The following PITRM1 variants were observed in gnomAD, a reference collection of about 807,000 sequenced individuals.
The protein encoded by PITRM1 is presequence protease, mitochondrial.
In PITRM1, 100 loss-of-function variants were observed where a neutral mutation model predicts 129.9. The observed-to-expected ratio is 0.77, with a 90% confidence interval of 0.65 to 0.91. The LOEUF is 0.91. PITRM1 is among the 40% of genes least tolerant of loss of function. The probability of loss-of-function intolerance (pLI) is 0.00; values close to 1 mark genes in which losing one functional copy is unlikely to be tolerated. For synonymous variants in PITRM1, 591 were observed against 508.8 expected (o/e 1.16, Z -2.17); for missense variants, 1,471 against 1,318.3 (o/e 1.12, Z -1.79).
At chr10:3,163,600 T>C (rs1842625863) in intron 7 of PITRM1, 125 bp downstream of exon 7, 18 of 845,048 alleles carry the variant, frequency 2.1e-5, no homozygotes, top group Non-Finnish European at 3.1e-5. Flanking sequence ...GCCAAGAATC[T>C]TACCTAGACT....
chr10:3,151,583 C>T (rs76967561), intron 14 of PITRM1, among the ~76,000 whole-genome samples: 3,647 of 152,308 alleles, frequency 0.024, 146 homozygotes, highest in East Asian at 0.15. Flanking sequence ...TCCTAATTCT[C>T]ATTTTCAATT....
chr10:3,171,239 C>A (rs1270591867), intron 1 of PITRM1, among the ~76,000 whole-genome samples: 1 of 111,306 alleles, frequency 9.0e-6, no homozygotes, highest in African/African-American at 3.5e-5. Flanking sequence ...GGTCACATAA[C>A]GTGAAACAAA....
In PITRM1 at chr10:3,147,203, G is replaced by T; in HGVS notation, c.2283C>A (p.Ile761=). The T allele has an allele frequency of 6.2e-7, 1 of 1,612,404 alleles. No individual in the cohort carries two copies. Among genetic ancestry groups the T allele is most frequent in the African/African-American group, 1.3e-5 (1 of 75,028 alleles). ...TCTTGATACGCGGGAGCTTCCTCAG[G>T]ATGGGTTTGATATCTGTCATTTCTG... ...RIAEMTDIKP[I]LRKLPRIKKH... The change falls in exon 20 of 27, where the codon ATC becomes ATA. Residue 761 remains isoleucine (I), a synonymous_variant. Coordinates refer to ENST00000224949, the MANE Select transcript of PITRM1 (RefSeq NM_014889.4).
At chr10:3,159,313 C>T (rs758137728) in intron 9 of PITRM1, among the ~76,000 whole-genome samples, 1 of 152,204 alleles carries the variant, frequency 6.6e-6, no homozygotes, top group Non-Finnish European at 1.5e-5. Context: ...AAATCACAGG[C>T]ACTGTGGCAG....
chr10:3,138,193 G>A, intron 26 of PITRM1, 42 bp downstream of exon 26: 2 of 1,581,846 alleles, frequency 1.3e-6, no homozygotes, highest in Non-Finnish European at 1.7e-6. Context: ...TCAGCACGAG[G>A]GCTTCCAGTC....
At chr10:3,159,776 C>A in intron 9 of PITRM1, 72 bp downstream of exon 9, 5 of 878,918 alleles carry the variant, frequency 5.7e-6, no homozygotes, top group Non-Finnish European at 9.3e-6. Flanking sequence ...GTAGAACTCA[C>A]TTCCGAACCT....
chr10:3,165,815 CA>C (rs1842812579), intron 4 of PITRM1, among the ~76,000 whole-genome samples: 1 of 152,190 alleles, frequency 6.6e-6, no homozygotes, highest in Non-Finnish European at 1.5e-5. Flanking sequence ...CATACATCTA[CA>C]AAGATGACCT....
At chr10:3,155,365 A>G (rs1277913662) in intron 14 of PITRM1, among the ~76,000 whole-genome samples, 3 of 152,246 alleles carry the variant, frequency 2.0e-5, no homozygotes, top group Non-Finnish European at 1.5e-5. Context: ...AAATAAATAC[A>G]TCTTTTCAAG....
In PITRM1 at chr10:3,149,729, C is replaced by T. The variant is rs779282627; in HGVS notation, c.1763G>A (p.Cys588Tyr). 8 of 1,612,848 alleles carry T rather than the reference C, an allele frequency of 5.0e-6. No homozygotes were observed. In the African/African-American group the frequency reaches 1.1e-4, roughly 22 times the overall value. Residue 588 changes from cysteine (C) to tyrosine (Y), a missense_variant, in exon 16 of 27, where the codon TGC becomes TAC. Transcript: ENST00000224949. ...CACCATGCCATTGGTGGGCTGGGCG[C>T]AGTACTGAACAGGGATATCTCCAGC... The part of the protein sequence containing the change: ...LTAGDIPVQY[C>Y]AQPTNGMVYF...
rs1395208558 is a variant in PITRM1, at chr10:3,155,878, T to C, written c.1483-149A>G. ...GTAATAATAGAACGCACCTCAAGAG[T>C]TGTTTTGCTGATGCAAGTACACAAG... On this transcript the variant is annotated intron_variant, in intron 13 of 26. Coordinates refer to ENST00000224949, the MANE Select transcript of PITRM1 (RefSeq NM_014889.4). 14 of 878,838 alleles carry C rather than the reference T, an allele frequency of 1.6e-5. No homozygotes were observed. The Admixed American group carries it at 3.1e-4, about 19-fold the overall frequency. The allele number at this position is 878,838 out of a possible 1,614,324, so 54.4% of individuals were successfully genotyped here.
chr10:3,144,853 G>A (rs1564393433), intron 21 of PITRM1: 5 of 152,686 alleles, frequency 3.3e-5, no homozygotes, highest in African/African-American at 1.2e-4. Context: ...AAGAAATTAA[G>A]AAAATATTAA....
Position 3,139,050 on chromosome 10 carries a change from C to G in PITRM1, c.2772-1G>C. The G allele has an allele frequency of 1.2e-6, 2 of 1,612,992 alleles. No individual in the cohort carries two copies. Among genetic ancestry groups the G allele is most frequent in the South Asian group, 2.2e-5 (2 of 91,008 alleles). ...GAGCGTCTCTATTGTATTTGGGTCC[C>G]TAGGAAACCCAGAGAAATAAACGGG... On this transcript the variant is annotated splice_acceptor_variant, in intron 24 of 26. Coordinates refer to ENST00000224949, the MANE Select transcript of PITRM1 (RefSeq NM_014889.4). LOFTEE classifies it high-confidence loss of function.
chr10:3,165,103 A>C, intron 6 of PITRM1, 135 bp downstream of exon 6: 1 of 732,648 alleles, frequency 1.4e-6, no homozygotes, highest in South Asian at 2.0e-5. Flanking sequence ...TGCTCACAGC[A>C]CTGACCCCAG....
At chr10:3,155,246 C>G (rs1351258688) in intron 14 of PITRM1, among the ~76,000 whole-genome samples, 1 of 152,240 alleles carries the variant, frequency 6.6e-6, no homozygotes, top group Non-Finnish European at 1.5e-5. Flanking sequence ...CTTCCCAACA[C>G]ACAGCTCTCA....
At chr10:3,146,427 A>T (rs1661131286) in intron 20 of PITRM1, 1 of 152,388 alleles carries the variant, frequency 6.6e-6, no homozygotes, top group Non-Finnish European at 1.5e-5. Flanking sequence ...CAGAAGACGC[A>T]AGTGGGTCAG....
chr10:3,168,182 C>G (rs1467813811), intron 2 of PITRM1, among the ~76,000 whole-genome samples: 1 of 152,110 alleles, frequency 6.6e-6, no homozygotes, highest in Non-Finnish European at 1.5e-5. Flanking sequence ...GTCTCCTCAG[C>G]CCAATCTAGG....
At chr10:3,161,061 G>A (rs892452818) in intron 7 of PITRM1, among the ~76,000 whole-genome samples, 11 of 151,936 alleles carry the variant, frequency 7.2e-5, no homozygotes, top group African/African-American at 1.2e-4. Context: ...GTGCCTGACC[G>A]GCTAATTTTT....
chr10:3,143,804 G>A (rs1840531544), intron 22 of PITRM1: 3 of 623,100 alleles, frequency 4.8e-6, no homozygotes, highest in Non-Finnish European at 9.2e-6. Flanking sequence ...TTCATTCTAC[G>A]CCGTTTATAT....
chr10:3,143,702 C>T (rs1049835057), intron 22 of PITRM1: 15 of 707,078 alleles, frequency 2.1e-5, no homozygotes, highest in Non-Finnish European at 2.9e-5. Context: ...ACTGCAGTTC[C>T]GTCACTCCAC....
Sources: allele counts gnomAD v4.1 joint callset (sites outside exome capture counted in the v4.1 genomes callset), GRCh38; gene constraint gnomAD v4.1.1; transcripts MANE v1.5; gene names NCBI Gene and HGNC (gene_info 2026-07-23, HGNC 2026-07-21).